GREB1L: variants seen among roughly 807,000 people sequenced by gnomAD.
GREB1L encodes the protein GREB1 like retinoic acid receptor coactivator.
A neutral mutation model predicts 200.8 loss-of-function variants in GREB1L; 17 were observed. The observed-to-expected ratio is 0.08, with a 90% CI of 0.06 to 0.13. The LOEUF (loss-of-function observed/expected upper bound fraction) is 0.13. Ranked by LOEUF, GREB1L falls within the 10% of genes least tolerant of loss-of-function variation. The pLI is 1.00. For synonymous variants in GREB1L, 789 were observed against 893.0 expected (o/e 0.88, Z 2.08); for missense variants, 1,657 against 2,367.7 (o/e 0.70, Z 6.23).
chr18:21,470,731 T>C (rs2035449870), intron 15 of GREB1L, among the ~76,000 whole-genome samples: 1 of 152,098 alleles, frequency 6.6e-6, no homozygotes, highest in South Asian at 2.1e-4. Flanking sequence ...AATTACAAAA[T>C]GTGAGTCAGG....
At chr18:21,430,159 AAATACAGTCACATTCG>A (rs1002576336) in intron 7 of GREB1L, among the ~76,000 whole-genome samples, 56 of 152,232 alleles carry the variant, frequency 3.7e-4, no homozygotes, top group African/African-American at 1.3e-3. Flanking sequence ...GCCTATGTTC[AAATACAGTCACATTCG>A]AAGGTTTTAG....
chr18:21,508,337 T>G, intron 26 of GREB1L, 50 bp from the exon 27 acceptor site: 1 of 1,550,534 alleles, frequency 6.4e-7, no homozygotes, highest in Non-Finnish European at 8.7e-7. Flanking sequence ...GCGTCTTCAA[T>G]CTAGAGGCTT....
intron 18 of GREB1L, among the ~76,000 whole-genome samples, chr18:21,486,338 A>G (rs1286364294): frequency 1.3e-5 from 2 of 149,706 alleles, no homozygotes; most frequent in African/African-American, 2.5e-5. Context: ...TGGGTGACAG[A>G]GCGAGACTCC....
At chr18:21,285,343 A>T (rs1313874864) in intron 1 of GREB1L, among the ~76,000 whole-genome samples, 1 of 152,158 alleles carries the variant, frequency 6.6e-6, no homozygotes, top group Non-Finnish European at 1.5e-5. Context: ...CACCTATGTT[A>T]TGGTTTTCTT....
chr18:21,498,195 T>C (rs1190835697), intron 21 of GREB1L, among the ~76,000 whole-genome samples: 4 of 152,036 alleles, frequency 2.6e-5, no homozygotes, highest in Non-Finnish European at 5.9e-5. Context: ...CACCATAATT[T>C]TGTCCAAAAG....
At position 21,500,081 on chromosome 18, in the gene GREB1L, C is replaced by G; in HGVS notation, c.3744C>G (p.Gly1248=). The change falls in exon 22 of 33, where the codon GGC becomes GGG. Residue 1248 remains glycine, a synonymous_variant. Transcript: ENST00000424526. The part of the protein sequence containing the change: ...AYSLLGSQKS[G]KLPSSSSLLP... The stretch of plus-strand genomic sequence containing the variant: ...GTCTCCTGGGCTCCCAGAAGAGTGG[C>G]AAGCTGCCATCCTCCTCCTCCCTGC... The G allele has an allele frequency of 1.3e-6, 2 of 1,551,676 alleles. No homozygotes were observed. Among genetic ancestry groups the G allele is most frequent in the Non-Finnish European group, 1.7e-6 (2 of 1,147,004 alleles).
At chr18:21,361,205 C>T (rs1375453635) in intron 1 of GREB1L, among the ~76,000 whole-genome samples, 3 of 152,080 alleles carry the variant, frequency 2.0e-5, no homozygotes, top group Admixed American at 6.6e-5. Context: ...TGTGAAGTTC[C>T]GATAACGTAT....
chr18:21,340,676 G>A (rs1342490032), intron 1 of GREB1L, among the ~76,000 whole-genome samples: 1 of 151,786 alleles, frequency 6.6e-6, no homozygotes, highest in Non-Finnish European at 1.5e-5. Flanking sequence ...CTGAGTAGCT[G>A]GGATTACAGG....
At chr18:21,295,660 C>A (rs1049102663) in intron 1 of GREB1L, among the ~76,000 whole-genome samples, 4 of 152,164 alleles carry the variant, frequency 2.6e-5, no homozygotes, top group South Asian at 2.1e-4. Context: ...ATAAACAACA[C>A]CTGCTTCAAG....
chr18:21,356,640 G>A (rs1567949510), intron 1 of GREB1L, among the ~76,000 whole-genome samples: 1 of 152,160 alleles, frequency 6.6e-6, no homozygotes. Flanking sequence ...CCAGGGGGGT[G>A]CACATATTTA....
chr18:21,329,969 T>TTGG (rs1555628418), intron 1 of GREB1L, among the ~76,000 whole-genome samples: 7 of 129,314 alleles, frequency 5.4e-5, no homozygotes, highest in African/African-American at 2.1e-4. Context: ...GTTTTTTTTT[T>TTGG]GGGGGGGGGG....
chr18:21,499,893 T>G lies in GREB1L; in HGVS notation c.3556T>G (p.Cys1186Gly). 2 of 1,549,398 alleles carry G rather than the reference T, an allele frequency of 1.3e-6. No homozygotes were observed. Among genetic ancestry groups the G allele is most frequent in the Non-Finnish European group, 8.7e-7 (1 of 1,146,134 alleles). ...AGCCGGGGAGACTCTGAAGCAGGAA[T>G]GTGACTCCCTGGGCCCCCAGATGGC... ...AGAGETLKQE[C>G]DSLGPQMASS... The change falls in exon 22 of 33, where the codon TGT becomes GGT. Residue 1186 changes from cysteine to glycine, a missense_variant. Physicochemically the swap from Cys to Gly is radical, Grantham distance 159 (BLOSUM62 -3). Coordinates refer to ENST00000424526, the MANE Select transcript of GREB1L (RefSeq NM_001142966.3).
At chr18:21,477,382 A>G in intron 17 of GREB1L, 26 bp downstream of exon 17, 1 of 1,509,784 alleles carries the variant, frequency 6.6e-7, no homozygotes, top group Non-Finnish European at 8.9e-7. Flanking sequence ...GCTGTCTGAT[A>G]CACTGTCATG....
Position 21,500,286 on chromosome 18 carries a change from C to T in GREB1L, c.3949C>T (p.Leu1317=). ...CCGAAACTTCCACCCCCGACGGCTCCTGCTGACAGGGCCCCCACAGGTAGG... is the reference window on the plus strand; with the variant it reads ...CCGAAACTTCCACCCCCGACGGCTCTTGCTGACAGGGCCCCCACAGGTAGG... The part of the protein sequence containing the change: ...GTRNFHPRRL[L]LTGPPQVGKT... Residue 1317 remains leucine (L), a synonymous_variant, in exon 22 of 33, where the codon CTG becomes TTG. Coordinates refer to ENST00000424526, the MANE Select transcript of GREB1L (RefSeq NM_001142966.3). 1.5e-6 allele frequency: 2 copies of T among 1,352,160 alleles called. No homozygotes were observed. The highest frequency in any genetic ancestry group is 2.0e-6 in the Non-Finnish European group (2 of 978,120). The allele number at this position is 1,352,160 out of a possible 1,614,324, so 83.8% of individuals were successfully genotyped here. A position where few individuals can be genotyped will look rare whatever the true frequency, so the allele number is the denominator to read the frequency against.
intron 1 of GREB1L, among the ~76,000 whole-genome samples, chr18:21,296,659 G>GC (rs2038532412): frequency 7.0e-6 from 1 of 141,992 alleles, no homozygotes; most frequent in East Asian, 2.0e-4. Context: ...TTTGTTTTTT[G>GC]TTTTTTTTTT....
chr18:21,432,893 G>C (rs1422880927), intron 7 of GREB1L, among the ~76,000 whole-genome samples: 4 of 151,718 alleles, frequency 2.6e-5, no homozygotes, highest in Admixed American at 6.6e-5. Flanking sequence ...TTTTAGTAGG[G>C]ACGAGGTTTC....
intron 1 of GREB1L, among the ~76,000 whole-genome samples, chr18:21,297,396 G>A (rs1292305839): frequency 1.3e-5 from 2 of 152,132 alleles, no homozygotes; most frequent in African/African-American, 2.4e-5. Context: ...TGTGCTCCTC[G>A]GATATTGCAA....
chr18:21,375,681 A>G (rs2040043046), intron 2 of GREB1L, among the ~76,000 whole-genome samples: 1 of 152,168 alleles, frequency 6.6e-6, no homozygotes, highest in Admixed American at 6.5e-5. Context: ...TTCTGAGCCA[A>G]ACTGATTTGG....
intron 15 of GREB1L, among the ~76,000 whole-genome samples, chr18:21,458,217 C>T (rs1188482312): frequency 3.3e-5 from 5 of 152,024 alleles, no homozygotes; most frequent in Admixed American, 6.6e-5. Flanking sequence ...GTGATCCACC[C>T]GTTTCGGCCT....
Sources: allele counts gnomAD v4.1 joint callset (sites outside exome capture counted in the v4.1 genomes callset), GRCh38; gene constraint gnomAD v4.1.1; transcripts MANE v1.5; gene names NCBI Gene and HGNC (gene_info 2026-07-23, HGNC 2026-07-21).